The following MBD5 variants were observed in gnomAD, a reference collection of about 807,000 sequenced individuals.
MBD5 encodes methyl-CpG-binding domain protein 5.
MBD5 carries 13 observed loss-of-function variants against 117.3 expected under a neutral mutation model. That is an observed-to-expected ratio of 0.11 (90% CI 0.07 to 0.18). The LOEUF is 0.18. MBD5 is among the 10% of genes least tolerant of loss of function. MBD5 has a pLI of 1.00. For synonymous variants in MBD5, 727 were observed against 766.4 expected (o/e 0.95, Z 0.85); for missense variants, 1,879 against 2,093.8 (o/e 0.90, Z 2.00).
Position 148,266,249 on chromosome 2 carries a change from C to A in MBD5, c.-680+32854C>A, listed in dbSNP as rs149373211. On this transcript the variant is annotated intron_variant, in intron 3 of 13. Coordinates refer to ENST00000642680, the MANE Select transcript of MBD5 (RefSeq NM_001378120.1). ...GTTCAATGTTTTTCTTTTTAAAAAT[C>A]TATCAGTGTAATCTGTAACATTGAA... 2.7e-3 allele frequency among the ~76,000 whole-genome samples: 417 copies of A among 152,070 alleles called. 1 individual carries two copies. The highest frequency in any genetic ancestry group is 9.7e-3 in the African/African-American group (402 of 41,526).
intron 1 of MBD5, among the ~76,000 whole-genome samples, chr2:148,173,910 A>G (rs905788789): frequency 2.6e-5 from 4 of 152,192 alleles, no homozygotes; most frequent in African/African-American, 7.2e-5. Context: ...AAATTCCAAC[A>G]TCATTTTTCA....
intron 1 of MBD5, among the ~76,000 whole-genome samples, chr2:148,151,740 T>C (rs559271864): frequency 6.6e-6 from 1 of 152,312 alleles, no homozygotes; most frequent in East Asian, 1.9e-4. Context: ...GAGGTGTTTG[T>C]AGTATTCTCT....
intron 3 of MBD5, among the ~76,000 whole-genome samples, chr2:148,320,282 G>A (rs570615505): frequency 9.3e-4 from 141 of 152,158 alleles, no homozygotes; most frequent in Middle Eastern, 3.4e-3. Flanking sequence ...CCTCCTCCTC[G>A]ATTTTCATCT....
chr2:148,299,724 C>G, intron 3 of MBD5, among the ~76,000 whole-genome samples: 1 of 152,128 alleles, frequency 6.6e-6, no homozygotes, highest in South Asian at 2.1e-4. Flanking sequence ...ATGTTTTACC[C>G]ATATGCAGAG....
In MBD5 at chr2:148,510,099, T is replaced by A; in HGVS notation, c.5076T>A (p.His1692Gln). ...KLNNHLEAAI[H>Q]EAMSELDKMS... Reference sequence around the variant, plus strand: ...ATAACCATTTAGAAGCTGCTATTCATGAGGCCATGAGTGAACTGGACAAAA... The same window carrying A: ...ATAACCATTTAGAAGCTGCTATTCAAGAGGCCATGAGTGAACTGGACAAAA... Residue 1692 changes from histidine to glutamine, a missense_variant, in exon 13 of 14, where the codon CAT becomes CAA. His to Gln is a conservative substitution (Grantham distance 24, BLOSUM62 0). This residue lies in a region of MBD5 where 135 missense variants were observed against 148.0 expected (regional missense o/e 0.91). Coordinates refer to ENST00000642680, the MANE Select transcript of MBD5 (RefSeq NM_001378120.1). The A allele has an allele frequency of 6.2e-7, 1 of 1,612,942 alleles. No individual in the cohort carries two copies. The highest frequency in any genetic ancestry group is 1.3e-5 in the African/African-American group (1 of 75,044).
At chr2:148,204,513 T>C (rs1699227107) in intron 2 of MBD5, among the ~76,000 whole-genome samples, 1 of 152,164 alleles carries the variant, frequency 6.6e-6, no homozygotes, top group Non-Finnish European at 1.5e-5. Flanking sequence ...AAAGTTGACC[T>C]AGAACTGTCA....
intron 3 of MBD5, among the ~76,000 whole-genome samples, chr2:148,339,976 C>CT (rs1217365877): frequency 2.0e-5 from 3 of 151,948 alleles, no homozygotes; most frequent in Non-Finnish European, 4.4e-5. Flanking sequence ...TTCTCCTTCC[C>CT]TTTTTTCTCT....
chr2:148,387,407 A>G (rs1011692993), intron 4 of MBD5, among the ~76,000 whole-genome samples: 39 of 152,138 alleles, frequency 2.6e-4, no homozygotes, highest in African/African-American at 9.4e-4. Flanking sequence ...TCCTTAACAT[A>G]ATGAAGATAA....
At chr2:148,426,255 C>T (rs1271967993) in intron 4 of MBD5, among the ~76,000 whole-genome samples, 1 of 152,080 alleles carries the variant, frequency 6.6e-6, no homozygotes, top group Non-Finnish European at 1.5e-5. Context: ...CAATGCCATC[C>T]CCATTAAGCT....
intron 4 of MBD5, among the ~76,000 whole-genome samples, chr2:148,348,960 A>T (rs1466475689): frequency 2.0e-5 from 3 of 151,980 alleles, no homozygotes; most frequent in Non-Finnish European, 4.4e-5. Context: ...ACCATTTCGA[A>T]CTAGTCAGGC....
intron 3 of MBD5, among the ~76,000 whole-genome samples, chr2:148,337,736 G>A (rs1702835709): frequency 6.6e-6 from 1 of 152,032 alleles, no homozygotes; most frequent in South Asian, 2.1e-4. Context: ...CTTCACTCTT[G>A]CTAATGTCCA....
chr2:148,354,157 C>T (rs1703314001), intron 4 of MBD5, among the ~76,000 whole-genome samples: 1 of 152,120 alleles, frequency 6.6e-6, no homozygotes, highest in Non-Finnish European at 1.5e-5. Flanking sequence ...AGATATGCTA[C>T]ATAGGTATAC....
intron 1 of MBD5, among the ~76,000 whole-genome samples, chr2:148,092,909 T>C (rs1228472712): frequency 6.6e-6 from 1 of 151,704 alleles, no homozygotes; most frequent in Non-Finnish European, 1.5e-5. Context: ...AAAAGCTAGC[T>C]TCTTATCTAT....
intron 2 of MBD5, among the ~76,000 whole-genome samples, chr2:148,232,505 C>G (rs1428121491): frequency 6.6e-6 from 1 of 151,998 alleles, no homozygotes; most frequent in African/African-American, 2.4e-5. Context: ...AAGAAAGCGT[C>G]TCACTGTTAC....
chr2:148,467,605 A>G (rs1680592384), intron 7 of MBD5, among the ~76,000 whole-genome samples: 1 of 152,204 alleles, frequency 6.6e-6, no homozygotes, highest in South Asian at 2.1e-4. Context: ...TTTTACAATA[A>G]TGACTAATTA....
rs779255290 is a variant in MBD5 at position 148,469,076 on chromosome 2, C to T, written c.1133C>T (p.Pro378Leu). Residue 378 changes from proline to leucine, a missense_variant, in exon 8 of 14, where the codon CCA becomes CTA. Pro to Leu is a moderately conservative substitution (Grantham distance 98). This residue lies in a region of MBD5 where 1,666 missense variants were observed against 1,792.2 expected (regional missense o/e 0.93). Coordinates refer to ENST00000642680, the MANE Select transcript of MBD5 (RefSeq NM_001378120.1). ...AATCAGAACCCTGTTATCATTAATCCAACCAGTTTCCATTCAAATGTCCAC... is the reference window on the plus strand; with the variant it reads ...AATCAGAACCCTGTTATCATTAATCTAACCAGTTTCCATTCAAATGTCCAC... ...PVNQNPVIIN[P>L]TSFHSNVHSQ... is the part of the protein sequence containing the mutation. 4 of 1,613,972 alleles carry T rather than the reference C, an allele frequency of 2.5e-6. No individual in the cohort carries two copies. Among genetic ancestry groups the T allele is most frequent in the Non-Finnish European group, 3.4e-6 (4 of 1,179,946 alleles).
At chr2:148,488,141 A>G (rs1374544887) in intron 10 of MBD5, among the ~76,000 whole-genome samples, 1 of 152,246 alleles carries the variant, frequency 6.6e-6, no homozygotes, top group Non-Finnish European at 1.5e-5. Context: ...TGTGGGAAGC[A>G]GGACAGAATT....
intron 2 of MBD5, among the ~76,000 whole-genome samples, chr2:148,228,099 T>C (rs1294107238): frequency 5.9e-5 from 9 of 152,210 alleles, no homozygotes; most frequent in African/African-American, 2.2e-4. Flanking sequence ...GAATGCCCTT[T>C]ATTTCCTTCT....
At chr2:148,430,836 T>C (rs1705962392) in intron 4 of MBD5, among the ~76,000 whole-genome samples, 1 of 152,140 alleles carries the variant, frequency 6.6e-6, no homozygotes, top group East Asian at 1.9e-4. Flanking sequence ...TAAGTATTAC[T>C]TTTGTAACAG....
Sources: gnomAD v4.1 joint callset for allele counts (sites outside exome capture counted in the v4.1 genomes callset) on GRCh38, gnomAD v4.1.1 for gene constraint, gnomAD v4.1.1 regional missense constraint, MANE v1.5 for transcripts, NCBI Gene and HGNC (gene_info 2026-07-23, HGNC 2026-07-21) for gene names.